Variants in FLYWCH1 observed in about 807,000 individuals in gnomAD.
The protein encoded by FLYWCH1 is FLYWCH-type zinc finger 1, also known as FLYWCH-type zinc finger-containing protein 1.
FLYWCH1 carries 75 observed loss-of-function variants against 66.4 expected under a neutral mutation model. The observed-to-expected ratio is 1.13, with a 90% CI of 0.94 to 1.37. The LOEUF is 1.37. FLYWCH1 is among the 40% of genes most tolerant of loss of function. The pLI, the probability that FLYWCH1 is intolerant of heterozygous loss-of-function variation, is 0.00. For synonymous variants in FLYWCH1, 595 were observed against 429.9 expected, an observed-to-expected ratio of 1.38 and a Z score of -4.75; for missense variants, 1,334 against 1,001.8, an observed-to-expected ratio of 1.33 and a Z score of -4.48.
chr16:2,940,419 C>T (rs1056249366), intron 9 of FLYWCH1, among the ~76,000 whole-genome samples: 5 of 152,190 alleles, frequency 3.3e-5, no homozygotes, highest in African/African-American at 9.6e-5. Flanking sequence ...TCAACCACAG[C>T]CAGGCCATAA....
At chr16:2,938,507 T>G in intron 8 of FLYWCH1, 51 bp downstream of exon 8, 1 of 1,488,380 alleles carries the variant, frequency 6.7e-7, no homozygotes, top group South Asian at 1.4e-5. Context: ...CCTCATCTCT[T>G]CCAGCTCAGA....
chr16:2,941,872 T>C (rs1014154202), intron 9 of FLYWCH1, among the ~76,000 whole-genome samples: 6 of 150,844 alleles, frequency 4.0e-5, no homozygotes, highest in Admixed American at 4.0e-4. Flanking sequence ...GATAGAAAAA[T>C]TAGCCAGGCG....
intron 9 of FLYWCH1, among the ~76,000 whole-genome samples, chr16:2,940,343 A>C (rs2071209686): frequency 6.6e-6 from 1 of 152,224 alleles, no homozygotes; most frequent in East Asian, 1.9e-4. Flanking sequence ...AGCATCCTTC[A>C]CATGACAGCC....
In FLYWCH1 at chr16:2,933,499, G is replaced by C. The variant is rs369027449; in HGVS notation, c.1166G>C (p.Arg389Thr). Residue 389 changes from arginine to threonine, a missense_variant, in exon 5 of 10, where the codon AGA becomes ACA. Coordinates refer to ENST00000253928, the MANE Select transcript of FLYWCH1 (RefSeq NM_001308068.2). ...GPLTLTRPRP[R>T]KRAKVEDQEL... ...CTGACTCTCACCAGGCCTCGGCCCA[G>C]AAAGCGAGCAAAGGTCGAAGACCAG... is the stretch of plus-strand genomic sequence containing the variant. 1.7e-5 allele frequency: 28 copies of C among 1,611,102 alleles called. No homozygotes were observed. Among genetic ancestry groups the C allele is most frequent in the African/African-American group, 2.7e-5 (2 of 74,904 alleles).
At chr16:2,944,060 C>T (rs2071379905) in intron 9 of FLYWCH1, among the ~76,000 whole-genome samples, 2 of 152,092 alleles carry the variant, frequency 1.3e-5, no homozygotes, top group African/African-American at 2.4e-5. Flanking sequence ...CATGCATCTA[C>T]ACTCCAGCCC....
rs573397131 is a variant in FLYWCH1, at chr16:2,934,246, C to G, written c.1513+267C>G. ...AGCAGGGATAGACCTCCCTGCCCTCCTCTTCCTCCGTTTGTCTTAAGAGTT... is the reference window on the plus strand; with the variant it reads ...AGCAGGGATAGACCTCCCTGCCCTCGTCTTCCTCCGTTTGTCTTAAGAGTT... On this transcript the variant is annotated intron_variant, in intron 6 of 9. Coordinates refer to ENST00000253928, the MANE Select transcript of FLYWCH1 (RefSeq NM_001308068.2). Among the ~76,000 whole-genome samples, 7 of 152,286 alleles carry G rather than the reference C, an allele frequency of 4.6e-5. No homozygotes were observed. In the South Asian group the frequency reaches 1.4e-3, roughly 32 times the overall value.
intron 8 of FLYWCH1, among the ~76,000 whole-genome samples, chr16:2,939,473 A>G (rs2071168672): frequency 6.6e-6 from 1 of 151,820 alleles, no homozygotes; most frequent in African/African-American, 2.4e-5. Context: ...AGAGAAGAAA[A>G]GAAAACAGCC....
At chr16:2,938,639 G>T (rs2071127468) in intron 8 of FLYWCH1, among the ~76,000 whole-genome samples, 183 bp downstream of exon 8, 1 of 141,010 alleles carries the variant, frequency 7.1e-6, no homozygotes, top group Non-Finnish European at 1.5e-5. Flanking sequence ...TTGAGACTGA[G>T]TCTTGCTCTG....
intron 9 of FLYWCH1, among the ~76,000 whole-genome samples, chr16:2,944,576 A>G (rs2071401921): frequency 6.6e-6 from 1 of 151,848 alleles, no homozygotes; most frequent in Admixed American, 6.6e-5. Flanking sequence ...TAATCCCAGC[A>G]CTTTGGTAGG....
At chr16:2,931,489 G>C (rs1278235209) in intron 4 of FLYWCH1, among the ~76,000 whole-genome samples, 1 of 151,606 alleles carries the variant, frequency 6.6e-6, no homozygotes, top group Non-Finnish European at 1.5e-5. Context: ...TGTGGTGTGT[G>C]CCTGTGGTCT....
intron 9 of FLYWCH1, chr16:2,943,497 T>A (rs928681957): frequency 7.3e-5 from 11 of 150,686 alleles, no homozygotes; most frequent in Non-Finnish European, 1.2e-4. Flanking sequence ...GCATACCAGA[T>A]CAGTAGAGAA....
chr16:2,940,585 A>G (rs772352146), intron 9 of FLYWCH1, among the ~76,000 whole-genome samples: 3 of 152,108 alleles, frequency 2.0e-5, no homozygotes, highest in Non-Finnish European at 2.9e-5. Context: ...ACAGGCATGT[A>G]CCACCACACC....
rs749013342 is a variant in FLYWCH1, at chr16:2,949,023, C to T, written c.*296C>T. ...GACAAAGCTGCCTGGACACGGACGC[C>T]CCTGCTGTACGGCCACAGCACCCCT... On this transcript the variant is annotated 3_prime_UTR_variant, in exon 10 of 10. Coordinates refer to ENST00000253928, the MANE Select transcript of FLYWCH1 (RefSeq NM_001308068.2). The T allele has an allele frequency of 2.3e-6, 1 of 440,742 alleles. No homozygotes were observed. Among genetic ancestry groups the T allele is most frequent in the Non-Finnish European group, 4.2e-6 (1 of 237,808 alleles). The allele number at this position is 440,742 out of a possible 1,614,324, so 27.3% of individuals were successfully genotyped here. A position where few individuals can be genotyped will look rare whatever the true frequency, so the allele number is the denominator to read the frequency against.
In FLYWCH1 at chr16:2,945,484, TCA is replaced by T. The variant is rs1491234005; in HGVS notation, c.2112-3203_2112-3202del. On this transcript the variant is annotated intron_variant, in intron 9 of 9. Transcript: ENST00000253928. ...CCTGGTGGCAGAGCGAGACTCCATCTCAAAAAAAAAAAAAAAAAAAAATTAGC... is the reference window on the plus strand; with the variant it reads ...CCTGGTGGCAGAGCGAGACTCCATCTAAAAAAAAAAAAAAAAAAAATTAGC... 2.6e-4 allele frequency among the ~76,000 whole-genome samples: 15 copies of T among 58,764 alleles called. No homozygotes were observed. In the South Asian group the frequency reaches 3.3e-3, roughly 13 times the overall value. 38.6% of individuals were successfully genotyped at this position (58,764 alleles called of 152,430 possible). A position where few individuals can be genotyped will look rare whatever the true frequency, so the allele number is the denominator to read the frequency against.
intron 2 of FLYWCH1, among the ~76,000 whole-genome samples, chr16:2,925,144 C>G (rs995349358): frequency 3.9e-5 from 6 of 152,224 alleles, no homozygotes; most frequent in African/African-American, 1.4e-4. Context: ...GTCTGGGAGG[C>G]CTCTGTCAGG....
intron 9 of FLYWCH1, among the ~76,000 whole-genome samples, chr16:2,945,804 T>C (rs1002181010): frequency 6.6e-6 from 1 of 152,024 alleles, no homozygotes; most frequent in African/African-American, 2.4e-5. Flanking sequence ...AAGACCATCC[T>C]GGCTAACATG....
intron 2 of FLYWCH1, chr16:2,922,963 G>C: frequency 2.5e-5 from 13 of 522,896 alleles, no homozygotes; most frequent in South Asian, 1.8e-4. Flanking sequence ...GCTGCCTCCG[G>C]AGTCGCAGTG....
chr16:2,945,938 A>C (rs189963625), intron 9 of FLYWCH1, among the ~76,000 whole-genome samples: 9 of 152,236 alleles, frequency 5.9e-5, no homozygotes, highest in African/African-American at 2.2e-4. Context: ...CAGAGCTTGC[A>C]GTGAGCCGAG....
intron 8 of FLYWCH1, 79 bp downstream of exon 8, chr16:2,938,535 G>C: frequency 1.5e-6 from 2 of 1,377,154 alleles, no homozygotes; most frequent in Non-Finnish European, 1.9e-6. Context: ...CCCCAGGCCA[G>C]GCACCCACTG....
Sources: allele counts gnomAD v4.1 joint callset (sites outside exome capture counted in the v4.1 genomes callset), GRCh38; gene constraint gnomAD v4.1.1; transcripts MANE v1.5; gene names NCBI Gene and HGNC (gene_info 2026-07-23, HGNC 2026-07-21).